SEMA6D: variants seen among roughly 807,000 people sequenced by gnomAD.
SEMA6D encodes the protein semaphorin-6D.
In SEMA6D, 35 loss-of-function variants were observed where a neutral mutation model predicts 106.6. The ratio of observed to expected loss-of-function variants is 0.33; its 90% CI spans 0.25 to 0.44. The LOEUF (loss-of-function observed/expected upper bound fraction) is 0.44, where lower values mean the gene tolerates loss of function less well. Among genes scored for constraint, SEMA6D ranks in the 20% least tolerant of loss-of-function variants. SEMA6D has a pLI of 1.00. For synonymous variants in SEMA6D, 499 were observed against 487.7 expected, an observed-to-expected ratio of 1.02 and a Z score of -0.31; for missense variants, 1,185 against 1,345.9, an observed-to-expected ratio of 0.88 and a Z score of 1.87.
chr15:47,614,645 G>A (rs889559424), intron 4 of SEMA6D, among the ~76,000 whole-genome samples: 4 of 152,186 alleles, frequency 2.6e-5, no homozygotes, highest in Middle Eastern at 3.4e-3. Context: ...TTTGGTGCAC[G>A]TATCAACTCC....
chr15:47,398,091 AT>A (rs1477383792), intron 1 of SEMA6D, among the ~76,000 whole-genome samples: 1 of 152,210 alleles, frequency 6.6e-6, no homozygotes, highest in African/African-American at 2.4e-5. Context: ...AAGAAAGATC[AT>A]TTAATCCAAG....
intron 1 of SEMA6D, among the ~76,000 whole-genome samples, chr15:47,190,015 A>C (rs1817178): frequency 1.3e-5 from 2 of 152,126 alleles, no homozygotes; most frequent in Admixed American, 6.5e-5. Context: ...ACACTGCAAC[A>C]AAGTGCTGGA....
At chr15:47,443,643 A>T (rs931815481) in intron 2 of SEMA6D, among the ~76,000 whole-genome samples, 1 of 152,122 alleles carries the variant, frequency 6.6e-6, no homozygotes, top group Non-Finnish European at 1.5e-5. Flanking sequence ...TTATTGTTTA[A>T]AGCCTCTTAA....
intron 1 of SEMA6D, among the ~76,000 whole-genome samples, chr15:47,352,964 C>T (rs1033686587): frequency 6.6e-6 from 1 of 152,122 alleles, no homozygotes; most frequent in Non-Finnish European, 1.5e-5. Context: ...TAATATCTAA[C>T]ATGTGATCCT....
chr15:47,536,509 C>T (rs2045170774), intron 3 of SEMA6D, among the ~76,000 whole-genome samples: 1 of 152,176 alleles, frequency 6.6e-6, no homozygotes, highest in Non-Finnish European at 1.5e-5. Context: ...GGCTTCTAGA[C>T]TCAGACCGAT....
chr15:47,572,831 G>A (rs1283016027), intron 3 of SEMA6D, among the ~76,000 whole-genome samples: 1 of 151,998 alleles, frequency 6.6e-6, no homozygotes, highest in Non-Finnish European at 1.5e-5. Context: ...TTCAATTAAT[G>A]TATTTTGAAC....
At chr15:47,444,159 C>A (rs1166497098) in intron 2 of SEMA6D, among the ~76,000 whole-genome samples, 2 of 152,116 alleles carry the variant, frequency 1.3e-5, no homozygotes, top group East Asian at 3.9e-4. Context: ...AGGAGCAAGT[C>A]ATGAGAAGTA....
chr15:47,276,958 G>A (rs549525150), intron 1 of SEMA6D, among the ~76,000 whole-genome samples: 4 of 152,264 alleles, frequency 2.6e-5, no homozygotes, highest in African/African-American at 9.6e-5. Flanking sequence ...ATGTTTCAAT[G>A]AAATTGATTC....
Position 47,577,007 on chromosome 15 carries a change from G to C in SEMA6D, c.-86-23858G>C, listed in dbSNP as rs116910241. ...CTATTACCTACAGAAGAAACCTGCT[G>C]TCAGCAAAAGCATTAGTTGTGTTTC... is the stretch of plus-strand genomic sequence containing the variant. On this transcript the variant is annotated intron_variant, in intron 3 of 19. Coordinates refer to the SEMA6D transcript ENST00000558014. Among the ~76,000 whole-genome samples the C allele has an allele frequency of 8.5e-5, 13 of 152,338 alleles. No homozygotes were observed. The East Asian group carries it at 2.5e-3, about 29-fold the overall frequency.
chr15:47,192,507 A>G (rs1894030246), intron 1 of SEMA6D, among the ~76,000 whole-genome samples: 2 of 152,210 alleles, frequency 1.3e-5, no homozygotes, highest in Admixed American at 1.3e-4. Flanking sequence ...AGTTTCTTTG[A>G]ATACTGTAAA....
chr15:47,224,793 A>G (rs2031511848), intron 1 of SEMA6D, among the ~76,000 whole-genome samples: 1 of 151,984 alleles, frequency 6.6e-6, no homozygotes, highest in African/African-American at 2.4e-5. Flanking sequence ...TTGCTCTTTT[A>G]TTCTCCGTTA....
chr15:47,552,956 T>C (rs2045803885), intron 3 of SEMA6D, among the ~76,000 whole-genome samples: 1 of 133,900 alleles, frequency 7.5e-6, no homozygotes, highest in Non-Finnish European at 1.6e-5. Context: ...CAGGCTGGAG[T>C]GTAGTAACCT....
At chr15:47,498,466 A>G (rs2043743436) in intron 3 of SEMA6D, among the ~76,000 whole-genome samples, 2 of 152,126 alleles carry the variant, frequency 1.3e-5, no homozygotes, top group African/African-American at 4.8e-5. Flanking sequence ...ATATATTTGA[A>G]TGGGAAAGAG....
At chr15:47,286,446 A>T (rs558667703) in intron 1 of SEMA6D, among the ~76,000 whole-genome samples, 4 of 152,336 alleles carry the variant, frequency 2.6e-5, no homozygotes, top group Non-Finnish European at 5.9e-5. Context: ...AAACACATTA[A>T]TATAAACATA....
chr15:47,615,409 GACTAT>G (rs1181431268), intron 4 of SEMA6D, among the ~76,000 whole-genome samples: 2 of 152,136 alleles, frequency 1.3e-5, no homozygotes, highest in Non-Finnish European at 2.9e-5. Flanking sequence ...TACCAAGGAT[GACTAT>G]ACATGACAAC....
intron 1 of SEMA6D, among the ~76,000 whole-genome samples, chr15:47,307,320 A>G (rs1052217893): frequency 2.0e-5 from 3 of 152,222 alleles, no homozygotes; most frequent in Admixed American, 2.0e-4. Context: ...TCTTAGAATT[A>G]GTCTCGTCAC....
intron 1 of SEMA6D, among the ~76,000 whole-genome samples, chr15:47,354,292 TGA>T (rs564387811): frequency 8.7e-6 from 1 of 114,772 alleles, no homozygotes; most frequent in African/African-American, 4.8e-5. Context: ...ATATATGGAA[TGA>T]GAGAGAGCTT....
At chr15:47,340,061 A>G (rs1284746065) in intron 1 of SEMA6D, among the ~76,000 whole-genome samples, 1 of 152,176 alleles carries the variant, frequency 6.6e-6, no homozygotes, top group Non-Finnish European at 1.5e-5. Context: ...CCAAGTGGTT[A>G]TCTGCAGGGA....
upstream of SEMA6D, among the ~76,000 whole-genome samples, chr15:47,714,843 A>G (rs1164764473): frequency 6.6e-6 from 1 of 152,222 alleles, no homozygotes; most frequent in African/African-American, 2.4e-5. Flanking sequence ...CGTAGGTTCC[A>G]TTGTTAGATC....
Sources: allele counts gnomAD v4.1 joint callset (sites outside exome capture counted in the v4.1 genomes callset), GRCh38; gene constraint gnomAD v4.1.1; transcripts MANE v1.5; gene names NCBI Gene and HGNC (gene_info 2026-07-23, HGNC 2026-07-21).